C8orf34: variants seen among roughly 807,000 people sequenced by gnomAD.
The protein encoded by C8orf34 is uncharacterized protein C8orf34.
In C8orf34, 65 loss-of-function variants were observed where a neutral mutation model predicts 68.3. That is an observed-to-expected ratio of 0.95 (90% confidence interval 0.78 to 1.17). The LOEUF (loss-of-function observed/expected upper bound fraction) is 1.17, where lower values mean the gene tolerates loss of function less well. C8orf34 is among the 50% of genes most tolerant of loss of function. The pLI, the probability that C8orf34 is intolerant of heterozygous loss-of-function variation, is 0.00. For synonymous variants in C8orf34, 244 were observed against 241.2 expected (o/e 1.01, Z -0.11); for missense variants, 664 against 655.4 (o/e 1.01, Z -0.14).
intron 5 of C8orf34, among the ~76,000 whole-genome samples, chr8:68,507,993 TC>T (rs1814099454): frequency 6.6e-6 from 1 of 152,224 alleles, no homozygotes; most frequent in Non-Finnish European, 1.5e-5. Flanking sequence ...ACATCCTTGA[TC>T]TCTTCTTTAC....
At chr8:68,553,756 G>A (rs1318778150) in intron 7 of C8orf34, among the ~76,000 whole-genome samples, 7 of 151,834 alleles carry the variant, frequency 4.6e-5, no homozygotes, top group Non-Finnish European at 5.9e-5. Context: ...GGTCAGACTA[G>A]CTAAAGATTT....
At chr8:68,426,878 C>A (rs1439150730) in intron 1 of C8orf34, among the ~76,000 whole-genome samples, 2 of 150,852 alleles carry the variant, frequency 1.3e-5, no homozygotes, top group Non-Finnish European at 1.5e-5. Context: ...TAAAAAAAAA[C>A]CAAACCAAAC....
intron 8 of C8orf34, among the ~76,000 whole-genome samples, chr8:68,657,258 C>A (rs2130797788): frequency 6.6e-6 from 1 of 152,266 alleles, no homozygotes; most frequent in African/African-American, 2.4e-5. Flanking sequence ...TGTTTGTATT[C>A]TTCCAAAATT....
intron 7 of C8orf34, among the ~76,000 whole-genome samples, chr8:68,577,158 C>T (rs1816929009): frequency 1.3e-5 from 2 of 151,944 alleles, no homozygotes; most frequent in Admixed American, 6.6e-5. Flanking sequence ...AATGAGGTTT[C>T]TCCAAGGCGC....
intron 10 of C8orf34, among the ~76,000 whole-genome samples, chr8:68,772,813 T>C (rs1823389302): frequency 6.7e-6 from 1 of 149,416 alleles, no homozygotes; most frequent in South Asian, 2.1e-4. Context: ...TTTCTTTCTT[T>C]CTTTCTGTCT....
intron 1 of C8orf34, among the ~76,000 whole-genome samples, chr8:68,425,256 C>T (rs1810160113): frequency 6.6e-6 from 1 of 152,118 alleles, no homozygotes; most frequent in Non-Finnish European, 1.5e-5. Context: ...CATTGCTATT[C>T]AACATATTTC....
intron 1 of C8orf34, among the ~76,000 whole-genome samples, chr8:68,366,452 C>T (rs1807260362): frequency 1.4e-5 from 2 of 141,718 alleles, no homozygotes; most frequent in Non-Finnish European, 3.0e-5. Flanking sequence ...CAATCCTAAG[C>T]CAAAAGAACA....
At position 68,790,237 on chromosome 8, in the gene C8orf34, G is replaced by A. The variant is rs115270827; in HGVS notation, c.1549+2701G>A. 9.0e-3 allele frequency among the ~76,000 whole-genome samples: 1,365 copies of A among 152,302 alleles called. 16 individuals are homozygous for A. Among genetic ancestry groups the A allele is most frequent in the African/African-American group, 0.028 (1,177 of 41,556 alleles). ...CTGGCTAGATATGCATAGATCATCTGCCTCTGTCTCAGGAAAAGGAAATAA... is the reference window on the plus strand; with the variant it reads ...CTGGCTAGATATGCATAGATCATCTACCTCTGTCTCAGGAAAAGGAAATAA... On this transcript the variant is annotated intron_variant, in intron 12 of 13. Coordinates refer to ENST00000518698, the MANE Select transcript of C8orf34 (RefSeq NM_052958.4).
chr8:68,612,074 A>T (rs1818039319), intron 7 of C8orf34, among the ~76,000 whole-genome samples: 1 of 152,032 alleles, frequency 6.6e-6, no homozygotes, highest in Non-Finnish European at 1.5e-5. Flanking sequence ...TATCTGTGAA[A>T]TGAACATGCA....
At chr8:68,760,966 C>G (rs1823008264) in intron 10 of C8orf34, among the ~76,000 whole-genome samples, 1 of 152,162 alleles carries the variant, frequency 6.6e-6, no homozygotes, top group Admixed American at 6.5e-5. Context: ...TCTTTTTCGT[C>G]TCAGCTTCTA....
intron 7 of C8orf34, among the ~76,000 whole-genome samples, chr8:68,616,344 G>A (rs1362466497): frequency 6.6e-6 from 1 of 152,064 alleles, no homozygotes; most frequent in Non-Finnish European, 1.5e-5. Flanking sequence ...TTTTGAATGT[G>A]TTTGCTCTTG....
chr8:68,658,322 A>T (rs1303018242), intron 8 of C8orf34, among the ~76,000 whole-genome samples: 3 of 137,384 alleles, frequency 2.2e-5, no homozygotes, highest in African/African-American at 8.5e-5. Flanking sequence ...TGACTGAGCT[A>T]TCCATTACTG....
chr8:68,554,583 G>A (rs1453667206), intron 7 of C8orf34, among the ~76,000 whole-genome samples: 1 of 152,064 alleles, frequency 6.6e-6, no homozygotes, highest in African/African-American at 2.4e-5. Flanking sequence ...ATAACTTTGA[G>A]ATTTTAGTTT....
At chr8:68,674,569 A>G (rs528112650) in intron 8 of C8orf34, among the ~76,000 whole-genome samples, 8 of 152,230 alleles carry the variant, frequency 5.3e-5, no homozygotes, top group African/African-American at 1.9e-4. Context: ...AGAATTAGTG[A>G]GCTTGAAGGC....
intron 8 of C8orf34, among the ~76,000 whole-genome samples, chr8:68,685,513 A>C (rs1820487990): frequency 6.6e-6 from 1 of 152,092 alleles, no homozygotes; most frequent in Admixed American, 6.6e-5. Context: ...TGTAATACTC[A>C]AACAATTTCC....
chr8:68,814,550 G>A (rs761672042), intron 12 of C8orf34, among the ~76,000 whole-genome samples: 1 of 151,972 alleles, frequency 6.6e-6, no homozygotes, highest in African/African-American at 2.4e-5. Flanking sequence ...ATATTTTTTT[G>A]TAGTTCCTAT....
chr8:68,757,999 T>C (rs1668792166), intron 10 of C8orf34, among the ~76,000 whole-genome samples: 1 of 152,262 alleles, frequency 6.6e-6, no homozygotes, highest in Non-Finnish European at 1.5e-5. Flanking sequence ...TTCTCCTGGA[T>C]TCTTGGATTG....
intron 7 of C8orf34, among the ~76,000 whole-genome samples, chr8:68,623,461 T>G (rs1351908938): frequency 6.6e-6 from 1 of 152,080 alleles, no homozygotes; most frequent in African/African-American, 2.4e-5. Context: ...TGTCCCAATG[T>G]TCCCTTGTTT....
rs576562402 is a variant in C8orf34 at position 68,495,503 on chromosome 8, G to A, written c.765+7452G>A. Among the ~76,000 whole-genome samples, 6 of 152,280 alleles carry A rather than the reference G, an allele frequency of 3.9e-5. No homozygotes were observed. The South Asian group carries it at 1.2e-3, about 32-fold the overall frequency. ...GGAGTATTATCCACATTTGACAGGT[G>A]AGGAAATTAAGATCCAGAGGTTAAT... On this transcript the variant is annotated intron_variant, in intron 5 of 13. Coordinates refer to ENST00000518698, the MANE Select transcript of C8orf34 (RefSeq NM_052958.4).
Sources: gnomAD v4.1 joint callset for allele counts (sites outside exome capture counted in the v4.1 genomes callset) on GRCh38, gnomAD v4.1.1 for gene constraint, MANE v1.5 for transcripts, NCBI Gene and HGNC (gene_info 2026-07-23, HGNC 2026-07-21) for gene names.